The following GNAQ variants were observed in gnomAD, a reference collection of about 807,000 sequenced individuals.
GNAQ encodes G protein subunit alpha q, also known as guanine nucleotide-binding protein G(q) subunit alpha.
GNAQ carries 8 observed loss-of-function variants against 43.9 expected under a neutral mutation model. The ratio of observed to expected loss-of-function variants is 0.18; its 90% CI spans 0.11 to 0.33. The LOEUF is 0.33. GNAQ is among the 10% of genes least tolerant of loss of function. The pLI is 1.00. For missense variants in GNAQ, 158 were observed against 450.8 expected, an observed-to-expected ratio of 0.35 and a Z score of 5.88; for synonymous variants, 155 against 170.7, an observed-to-expected ratio of 0.91 and a Z score of 0.71.
chr9:77,868,341 C>G (rs147942386), intron 2 of GNAQ, among the ~76,000 whole-genome samples: 168 of 152,254 alleles, frequency 1.1e-3, no homozygotes, highest in African/African-American at 3.8e-3. Flanking sequence ...TTTGTTGAAA[C>G]AGACCAAACA....
At chr9:77,920,785 A>C (rs1390710385) in intron 2 of GNAQ, among the ~76,000 whole-genome samples, 1 of 152,242 alleles carries the variant, frequency 6.6e-6, no homozygotes, top group Non-Finnish European at 1.5e-5. Flanking sequence ...CCGGAAAACC[A>C]GGTATGAAAG....
At position 77,728,687 on chromosome 9, in the gene GNAQ, CA is replaced by C; in HGVS notation, c.736-21del. 3 of 1,214,986 alleles carry C rather than the reference CA, an allele frequency of 2.5e-6. No individual in the cohort carries two copies. The East Asian group carries it at 7.1e-5, about 29-fold the overall frequency. 75.3% of individuals were successfully genotyped at this position (1,214,986 alleles called of 1,614,324 possible). A position where few individuals can be genotyped will look rare whatever the true frequency, so the allele number is the denominator to read the frequency against. On this transcript the variant is annotated intron_variant, in intron 5 of 6. Transcript: ENST00000286548. ...TCGGTTCTGGAAAAAAAAAAAAAAT[CA>C]GAAAAAACAAGGAGTGAATTACATG...
intron 5 of GNAQ, among the ~76,000 whole-genome samples, chr9:77,741,345 T>C (rs1005127139): frequency 2.0e-5 from 3 of 152,248 alleles, no homozygotes; most frequent in Admixed American, 1.3e-4. Flanking sequence ...TAATTTATGT[T>C]TGTACAATTT....
intron 2 of GNAQ, among the ~76,000 whole-genome samples, chr9:77,862,552 G>C (rs1004645987): frequency 8.5e-5 from 13 of 152,192 alleles, no homozygotes; most frequent in African/African-American, 2.4e-4. Flanking sequence ...AGGGCACCAA[G>C]TTCCTAGGGT....
intron 2 of GNAQ, among the ~76,000 whole-genome samples, chr9:77,904,919 T>A (rs955633503): frequency 6.6e-6 from 1 of 152,140 alleles, no homozygotes; most frequent in Admixed American, 6.6e-5. Flanking sequence ...ATACAAAATA[T>A]AATAAATTAT....
chr9:77,842,102 C>T (rs1369758024), intron 2 of GNAQ, among the ~76,000 whole-genome samples: 1 of 152,206 alleles, frequency 6.6e-6, no homozygotes, highest in African/African-American at 2.4e-5. Context: ...AGTTCTCTGC[C>T]TTAAGAAATT....
chr9:77,976,748 T>C (rs1823308244), intron 1 of GNAQ, among the ~76,000 whole-genome samples: 1 of 152,220 alleles, frequency 6.6e-6, no homozygotes, highest in African/African-American at 2.4e-5. Context: ...TTGGCAACAT[T>C]TAAAATCCAA....
intron 1 of GNAQ, among the ~76,000 whole-genome samples, chr9:77,934,269 G>T (rs1240372209): frequency 1.3e-5 from 2 of 151,776 alleles, no homozygotes; most frequent in Non-Finnish European, 2.9e-5. Flanking sequence ...TGGATTTTAT[G>T]ATCATTTTCC....
At position 77,854,128 on chromosome 9, in the gene GNAQ, C is replaced by T. The variant is rs1827715806; in HGVS notation, c.322-38358G>A. Reference sequence around the variant, plus strand: ...ATTTTTATAACTCTAACATGAAGATCCATAAGTACATAATATAGAGGACTA... The same window carrying T: ...ATTTTTATAACTCTAACATGAAGATTCATAAGTACATAATATAGAGGACTA... On this transcript the variant is annotated intron_variant, in intron 2 of 6. Transcript: ENST00000286548. 2.0e-5 allele frequency among the ~76,000 whole-genome samples: 3 copies of T among 152,098 alleles called. No individual in the cohort carries two copies. In the South Asian group the frequency reaches 6.2e-4, roughly 32 times the overall value.
chr9:77,928,635 C>T (rs146136439), intron 1 of GNAQ, among the ~76,000 whole-genome samples: 52 of 152,140 alleles, frequency 3.4e-4, no homozygotes, highest in African/African-American at 1.1e-3. Flanking sequence ...TTGGAGTGCC[C>T]GTAGTAAACA....
intron 2 of GNAQ, among the ~76,000 whole-genome samples, chr9:77,825,350 C>T (rs1272875077): frequency 1.3e-5 from 2 of 152,176 alleles, no homozygotes; most frequent in Admixed American, 6.6e-5. Context: ...CCTTCATTTT[C>T]CACACACATT....
At chr9:78,028,411 C>T (rs1824008797) in intron 1 of GNAQ, among the ~76,000 whole-genome samples, 1 of 152,144 alleles carries the variant, frequency 6.6e-6, no homozygotes, top group Admixed American at 6.5e-5. Context: ...ATACTTTCAT[C>T]TAGTCAGGTA....
chr9:77,850,897 C>G (rs1159301380), intron 2 of GNAQ, among the ~76,000 whole-genome samples: 1 of 152,114 alleles, frequency 6.6e-6, no homozygotes, highest in Non-Finnish European at 1.5e-5. Context: ...CATGGCACAT[C>G]CCCACCCCCA....
intron 2 of GNAQ, among the ~76,000 whole-genome samples, chr9:77,853,624 C>A (rs1827704835): frequency 6.6e-6 from 1 of 151,994 alleles, no homozygotes; most frequent in South Asian, 2.1e-4. Context: ...TCTGGGAAAT[C>A]TTAACTGGCA....
chr9:78,031,048 G>A (rs1400329646), intron 1 of GNAQ, 52 bp downstream of exon 1: 4 of 1,328,918 alleles, frequency 3.0e-6, no homozygotes, highest in Admixed American at 6.3e-5. Context: ...GCAGGGCCAA[G>A]GATGGTGGGC....
intron 1 of GNAQ, among the ~76,000 whole-genome samples, chr9:78,004,775 T>C (rs1329016885): frequency 6.6e-6 from 1 of 151,716 alleles, no homozygotes; most frequent in Non-Finnish European, 1.5e-5. Flanking sequence ...TTAACATGGG[T>C]TTTGAAACAC....
chr9:77,741,681 C>T (rs1482465776), intron 5 of GNAQ, among the ~76,000 whole-genome samples: 3 of 152,174 alleles, frequency 2.0e-5, no homozygotes, highest in African/African-American at 7.2e-5. Context: ...TGCCATATAT[C>T]TGGCATTTTA....
At chr9:77,799,788 T>C (rs955003722) in intron 3 of GNAQ, among the ~76,000 whole-genome samples, 5 of 152,228 alleles carry the variant, frequency 3.3e-5, no homozygotes, top group African/African-American at 1.2e-4. Context: ...AATTAATTAG[T>C]ATTCCAGGGG....
At chr9:77,972,814 G>A (rs1187367312) in intron 1 of GNAQ, among the ~76,000 whole-genome samples, 2 of 151,854 alleles carry the variant, frequency 1.3e-5, no homozygotes, top group African/African-American at 2.4e-5. Flanking sequence ...TTAGCCGGGC[G>A]TGGTGGTGGG....
Sources: allele counts gnomAD v4.1 joint callset (sites outside exome capture counted in the v4.1 genomes callset), GRCh38; gene constraint gnomAD v4.1.1; transcripts MANE v1.5; gene names NCBI Gene and HGNC (gene_info 2026-07-23, HGNC 2026-07-21).